SAP30BP: variants seen among roughly 807,000 people sequenced by gnomAD.
SAP30BP encodes SAP30 binding protein, also known as SAP30-binding protein.
SAP30BP carries 31 observed loss-of-function variants against 46.3 expected under a neutral mutation model. That is an observed-to-expected ratio of 0.67 (90% CI 0.50 to 0.90). SAP30BP has a LOEUF of 0.90. SAP30BP is among the 40% of genes least tolerant of loss of function. The probability of loss-of-function intolerance (pLI) is 0.00; values close to 1 mark genes in which losing one functional copy is unlikely to be tolerated. For missense variants in SAP30BP, 312 were observed against 391.0 expected (o/e 0.80, Z 1.70); for synonymous variants, 169 against 144.2 (o/e 1.17, Z -1.23).
chr17:75,688,322 G>C (rs2060192186), intron 3 of SAP30BP, among the ~76,000 whole-genome samples: 1 of 152,212 alleles, frequency 6.6e-6, no homozygotes, highest in Non-Finnish European at 1.5e-5. Context: ...TCCCAGGTCT[G>C]AGAGAATAAA....
chr17:75,701,978 G>A (rs754296778), intron 5 of SAP30BP, among the ~76,000 whole-genome samples: 1 of 152,152 alleles, frequency 6.6e-6, no homozygotes. Flanking sequence ...TATCTTACTT[G>A]TGTGCAGTTC....
chr17:75,691,810 G>T, intron 3 of SAP30BP: 1 of 259,982 alleles, frequency 3.8e-6, no homozygotes, highest in Non-Finnish European at 7.7e-6. Context: ...GTTCTCTAGA[G>T]GGAAAATGTG....
At chr17:75,677,801 C>A (rs9891992) in intron 3 of SAP30BP, among the ~76,000 whole-genome samples, 1 of 141,664 alleles carries the variant, frequency 7.1e-6, no homozygotes, top group Admixed American at 7.4e-5. Context: ...CAGTTTGGTG[C>A]TGCCACCTCA....
Position 75,668,539 on chromosome 17 carries a change from G to GA in SAP30BP, c.131dup (p.Asp44GlufsTer7). The GA allele has an allele frequency of 6.3e-7, 1 of 1,582,024 alleles. No individual in the cohort carries two copies. The highest frequency in any genetic ancestry group is 8.6e-7 in the Non-Finnish European group (1 of 1,167,482). On this transcript the variant is annotated frameshift_variant, in exon 2 of 11. Coordinates refer to ENST00000584667, the MANE Select transcript of SAP30BP (RefSeq NM_013260.8). LOFTEE classifies it high-confidence loss of function. The stretch of plus-strand genomic sequence containing the variant: ...AGAGGAGAAAGGCGGATTGGTATCT[G>GA]ATGCCTATGGGGAGGATGACTTTTC...
chr17:75,688,105 G>T (rs1052127840), intron 3 of SAP30BP, among the ~76,000 whole-genome samples: 2 of 152,178 alleles, frequency 1.3e-5, no homozygotes, highest in Admixed American at 6.5e-5. Flanking sequence ...CCCTGGGCTG[G>T]GCTGAGGCCT....
intron 8 of SAP30BP, among the ~76,000 whole-genome samples, chr17:75,704,471 G>A (rs996854775): frequency 1.3e-5 from 2 of 152,206 alleles, no homozygotes; most frequent in African/African-American, 4.8e-5. Flanking sequence ...TCCATCAGTA[G>A]GAGGGTAGTC....
rs367809104 is a variant in SAP30BP, at chr17:75,674,709, T to TTG, written c.264+2847_264+2848insGT. ...TTGTTTGTTTTTTGTTTTTTTTTTT[T>TTG]TTTTTTTTTTTTTTTTGAGGTGGAG... On this transcript the variant is annotated intron_variant, in intron 3 of 10. Coordinates refer to ENST00000584667, the MANE Select transcript of SAP30BP (RefSeq NM_013260.8). Among the ~76,000 whole-genome samples the TTG allele has an allele frequency of 1.4e-3, 178 of 122,760 alleles. 5 individuals are homozygous for TTG. The highest frequency in any genetic ancestry group is 4.7e-3 in the African/African-American group (150 of 31,898). The allele number at this position is 122,760 out of a possible 152,430, so 80.5% of individuals were successfully genotyped here. A position where few individuals can be genotyped will look rare whatever the true frequency, so the allele number is the denominator to read the frequency against.
chr17:75,701,216 C>T (rs568888066), intron 5 of SAP30BP, among the ~76,000 whole-genome samples: 35 of 152,322 alleles, frequency 2.3e-4, no homozygotes, highest in South Asian at 1.7e-3. Flanking sequence ...CTGCTTTTGC[C>T]GGCACAGTGC....
intron 3 of SAP30BP, chr17:75,693,038 AGGT>A (rs2148406022): frequency 6.1e-6 from 1 of 163,334 alleles, no homozygotes; most frequent in African/African-American, 2.4e-5. Flanking sequence ...CCAGCGGTAG[AGGT>A]GGTGATGTCT....
At chr17:75,673,225 A>G (rs1359249756) in intron 3 of SAP30BP, among the ~76,000 whole-genome samples, 1 of 152,066 alleles carries the variant, frequency 6.6e-6, no homozygotes, top group Non-Finnish European at 1.5e-5. Flanking sequence ...GCAGGAGGGA[A>G]AAAAAAGAAC....
At chr17:75,678,897 T>C (rs820135) in intron 3 of SAP30BP, among the ~76,000 whole-genome samples, 64,344 of 151,830 alleles carry the variant, frequency 0.42, 14,472 homozygotes, top group African/African-American at 0.56. Context: ...TTTACCTTCA[T>C]ATAACGAAGG....
chr17:75,688,466 T>C (rs781323315), intron 3 of SAP30BP, among the ~76,000 whole-genome samples: 1 of 152,096 alleles, frequency 6.6e-6, no homozygotes, highest in Admixed American at 6.6e-5. Context: ...GGCTGCCCTG[T>C]GCCCCTGTTC....
intron 3 of SAP30BP, 97 bp downstream of exon 3, chr17:75,671,960 C>T (rs1419693121): frequency 1.0e-6 from 1 of 969,740 alleles, no homozygotes; most frequent in Non-Finnish European, 1.7e-6. Context: ...GTCCCACTGA[C>T]AAACTGTGCA....
In SAP30BP at chr17:75,672,461, A is replaced by G. The variant is rs530783564; in HGVS notation, c.264+598A>G. Among the ~76,000 whole-genome samples the G allele has an allele frequency of 5.9e-5, 9 of 152,312 alleles. No homozygotes were observed. In the South Asian group the frequency reaches 1.2e-3, roughly 21 times the overall value. On this transcript the variant is annotated intron_variant, in intron 3 of 10. Coordinates refer to ENST00000584667, the MANE Select transcript of SAP30BP (RefSeq NM_013260.8). ...CCAAGAGTAATTTGTAGCAATTCCT[A>G]TCACATTCCATAATGATCTGTTGTG...
rs1431873987 is a variant in SAP30BP at position 75,707,367 on chromosome 17, C to T, written c.*846C>T. 1 of 152,766 alleles carries T rather than the reference C, an allele frequency of 6.5e-6. No individual in the cohort carries two copies. The highest frequency in any genetic ancestry group is 2.4e-5 in the African/African-American group (1 of 41,468). The allele number at this position is 152,766 out of a possible 1,614,324, so 9.5% of individuals were successfully genotyped here. A position where few individuals can be genotyped will look rare whatever the true frequency, so the allele number is the denominator to read the frequency against. On this transcript the variant is annotated 3_prime_UTR_variant, in exon 11 of 11. Coordinates refer to ENST00000584667, the MANE Select transcript of SAP30BP (RefSeq NM_013260.8). ...CTTCCTCTGTGTGTTATCTCTGCCC[C>T]ACAGCAGCCCCTGGGCAGCACCAGT...
chr17:75,703,990 G>T, intron 8 of SAP30BP, 131 bp downstream of exon 8: 1 of 759,390 alleles, frequency 1.3e-6, no homozygotes, highest in Admixed American at 1.8e-5. Context: ...AGGGGGCTGG[G>T]TACAGGCCTG....
At chr17:75,694,514 T>A (rs940697749) in intron 4 of SAP30BP, among the ~76,000 whole-genome samples, 1 of 152,210 alleles carries the variant, frequency 6.6e-6, no homozygotes, top group South Asian at 2.1e-4. Flanking sequence ...AAAACCAAGA[T>A]TTTCCTAAAA....
intron 5 of SAP30BP, among the ~76,000 whole-genome samples, chr17:75,701,076 G>A (rs1172286601): frequency 1.3e-5 from 2 of 152,162 alleles, no homozygotes; most frequent in Non-Finnish European, 2.9e-5. Flanking sequence ...TGAAGTCACA[G>A]ACCTCTCTCT....
intron 5 of SAP30BP, among the ~76,000 whole-genome samples, chr17:75,701,247 A>G (rs2060405586): frequency 6.6e-6 from 1 of 152,068 alleles, no homozygotes; most frequent in African/African-American, 2.4e-5. Flanking sequence ...TCCCTTCTGG[A>G]GAATCTATAT....
Sources: gnomAD v4.1 joint callset for allele counts (sites outside exome capture counted in the v4.1 genomes callset) on GRCh38, gnomAD v4.1.1 for gene constraint, MANE v1.5 for transcripts, NCBI Gene and HGNC (gene_info 2026-07-23, HGNC 2026-07-21) for gene names.